USP46: variants seen among roughly 807,000 people sequenced by gnomAD.
The protein encoded by USP46 is ubiquitin carboxyl-terminal hydrolase 46.
Under a neutral mutation model 44.4 loss-of-function variants are expected in USP46, and 12 were observed. The ratio of observed to expected loss-of-function variants is 0.27; its 90% CI spans 0.17 to 0.44. The LOEUF (loss-of-function observed/expected upper bound fraction) is 0.44, where lower values mean the gene tolerates loss of function less well. Among genes scored for constraint, USP46 ranks in the 20% least tolerant of loss-of-function variants. USP46 has a pLI of 1.00. For synonymous variants in USP46, 155 were observed against 161.5 expected, an observed-to-expected ratio of 0.96 and a Z score of 0.31; for missense variants, 248 against 444.8, an observed-to-expected ratio of 0.56 and a Z score of 3.98.
intron 1 of USP46, among the ~76,000 whole-genome samples, chr4:52,645,063 A>T (rs1477017426): frequency 6.6e-6 from 1 of 152,034 alleles, no homozygotes; most frequent in Non-Finnish European, 1.5e-5. Context: ...TCTCAAAACA[A>T]CAACAACAAA....
Position 52,648,965 on chromosome 4 carries a change from T to A in USP46, c.36+10150A>T, listed in dbSNP as rs186422865. ...AATTAGACAGTTTCCTGTTGTCCTG[T>A]CATCCACTACAGCAATGATTAGAAG... is the stretch of plus-strand genomic sequence containing the variant. On this transcript the variant is annotated intron_variant, in intron 1 of 8. Coordinates refer to ENST00000441222, the MANE Select transcript of USP46 (RefSeq NM_022832.4). 2.6e-5 allele frequency among the ~76,000 whole-genome samples: 4 copies of A among 152,352 alleles called. No homozygotes were observed. The East Asian group carries it at 7.7e-4, about 29-fold the overall frequency.
At chr4:52,621,380 A>G (rs1210160809) in intron 4 of USP46, among the ~76,000 whole-genome samples, 1 of 152,176 alleles carries the variant, frequency 6.6e-6, no homozygotes, top group Non-Finnish European at 1.5e-5. Flanking sequence ...ATGTTACTGC[A>G]CACTGTGGCT....
chr4:52,597,792 G>C (rs1716304649), intron 8 of USP46, 51 bp from the exon 9 acceptor site: 1 of 1,317,206 alleles, frequency 7.6e-7, no homozygotes, highest in South Asian at 1.4e-5. Flanking sequence ...TGATTCCTGG[G>C]GAAAGGAAAT....
chr4:52,638,054 C>T (rs1718181986), intron 1 of USP46, among the ~76,000 whole-genome samples: 1 of 152,164 alleles, frequency 6.6e-6, no homozygotes. Context: ...GGTGTCCAGG[C>T]CCTAATCCCT....
chr4:52,656,071 G>A (rs112470858), intron 1 of USP46, among the ~76,000 whole-genome samples: 340 of 152,220 alleles, frequency 2.2e-3, no homozygotes, highest in African/African-American at 7.8e-3. Context: ...ATAGATCTTC[G>A]TTTTTTCCTG....
chr4:52,636,765 T>A, intron 1 of USP46, among the ~76,000 whole-genome samples: 1 of 142,814 alleles, frequency 7.0e-6, no homozygotes. Flanking sequence ...ACAGCAATAA[T>A]AGTAAATTAA....
At chr4:52,652,698 T>C (rs1431994544) in intron 1 of USP46, among the ~76,000 whole-genome samples, 8 of 152,180 alleles carry the variant, frequency 5.3e-5, no homozygotes, top group African/African-American at 1.9e-4. Context: ...AGTTTATGAA[T>C]GCATACAAAT....
In USP46 at chr4:52,595,387, A is replaced by G. The variant is rs1174904953; in HGVS notation, c.*2253T>C. The G allele has an allele frequency of 6.6e-6, 1 of 152,666 alleles. No individual in the cohort carries two copies. Among genetic ancestry groups the G allele is most frequent in the African/African-American group, 2.4e-5 (1 of 41,460 alleles). The allele number at this position is 152,666 out of a possible 1,614,324, so 9.5% of individuals were successfully genotyped here. A position where few individuals can be genotyped will look rare whatever the true frequency, so the allele number is the denominator to read the frequency against. On this transcript the variant is annotated 3_prime_UTR_variant, in exon 9 of 9. Coordinates refer to ENST00000441222, the MANE Select transcript of USP46 (RefSeq NM_022832.4). ...GCTCTAAATTTTAAAAAGCTGATGG[A>G]GTGTTGCTGGAGAAGTGTGTTTTGG... is the stretch of plus-strand genomic sequence containing the variant.
At chr4:52,633,010 G>GAA in intron 1 of USP46, among the ~76,000 whole-genome samples, 1 of 115,970 alleles carries the variant, frequency 8.6e-6, no homozygotes, top group Non-Finnish European at 1.8e-5. Flanking sequence ...AAGAAAGAAA[G>GAA]AAAGAAAGAA....
intron 1 of USP46, among the ~76,000 whole-genome samples, chr4:52,647,418 T>C (rs542830991): frequency 2.0e-5 from 3 of 152,350 alleles, no homozygotes; most frequent in Admixed American, 2.0e-4. Flanking sequence ...TTCTGCCACA[T>C]AAACTCATAG....
At chr4:52,658,364 T>C (rs1252056036) in intron 1 of USP46, 1 of 441,276 alleles carries the variant, frequency 2.3e-6, no homozygotes, top group Non-Finnish European at 4.6e-6. Flanking sequence ...CAGAACCCAG[T>C]GATGTCCCTG....
Position 52,644,492 on chromosome 4 carries a change from T to C in USP46, c.37-13348A>G, listed in dbSNP as rs531164590. On this transcript the variant is annotated intron_variant, in intron 1 of 8. Coordinates refer to ENST00000441222, the MANE Select transcript of USP46 (RefSeq NM_022832.4). ...TGAGCAGGCATTACCACCTGAGCTC[T>C]ACCTCCGGTCAGATCAGCAATAGCA... 1.3e-3 allele frequency among the ~76,000 whole-genome samples: 192 copies of C among 152,248 alleles called. 2 individuals carry two copies. The highest frequency in any genetic ancestry group is 2.6e-4 in the Non-Finnish European group (18 of 68,010).
intron 1 of USP46, among the ~76,000 whole-genome samples, chr4:52,642,984 A>G (rs1241192761): frequency 6.6e-6 from 1 of 151,832 alleles, no homozygotes; most frequent in Non-Finnish European, 1.5e-5. Context: ...ATATTAATGT[A>G]GCTTATCTCT....
At chr4:52,620,215 C>T (rs1288390543) in intron 4 of USP46, among the ~76,000 whole-genome samples, 1 of 152,094 alleles carries the variant, frequency 6.6e-6, no homozygotes, top group African/African-American at 2.4e-5. Context: ...AGAAAAACAA[C>T]AACAACAACA....
At chr4:52,606,058 T>G (rs577065191) in intron 5 of USP46, among the ~76,000 whole-genome samples, 3 of 152,252 alleles carry the variant, frequency 2.0e-5, no homozygotes, top group Non-Finnish European at 4.4e-5. Flanking sequence ...CTCTGTTCAT[T>G]TGATTACTTG....
intron 2 of USP46, among the ~76,000 whole-genome samples, chr4:52,630,747 A>G (rs981830115): frequency 4.6e-5 from 7 of 151,896 alleles, no homozygotes; most frequent in Non-Finnish European, 7.4e-5. Context: ...AAAAAAAAAA[A>G]AAAAAAAAGA....
chr4:52,638,669 T>A (rs1408416802), intron 1 of USP46, among the ~76,000 whole-genome samples: 1 of 149,224 alleles, frequency 6.7e-6, no homozygotes, highest in Non-Finnish European at 1.5e-5. Context: ...ATGAAAAAAA[T>A]ATATATATTA....
At chr4:52,615,430 A>G (rs1717095861) in intron 4 of USP46, among the ~76,000 whole-genome samples, 1 of 152,208 alleles carries the variant, frequency 6.6e-6, no homozygotes, top group African/African-American at 2.4e-5. Context: ...GAGAAATAAA[A>G]GAGGACATTT....
At chr4:52,600,560 A>G (rs1031399678) in intron 7 of USP46, among the ~76,000 whole-genome samples, 1 of 151,542 alleles carries the variant, frequency 6.6e-6, no homozygotes, top group Non-Finnish European at 1.5e-5. Flanking sequence ...AGAGAACCCA[A>G]CCTCCCGCTG....
Sources: gnomAD v4.1 joint callset for allele counts (sites outside exome capture counted in the v4.1 genomes callset) on GRCh38, gnomAD v4.1.1 for gene constraint, MANE v1.5 for transcripts, NCBI Gene and HGNC (gene_info 2026-07-23, HGNC 2026-07-21) for gene names.